MAST4: variants seen among roughly 807,000 people sequenced by gnomAD.
MAST4 encodes microtubule-associated serine/threonine-protein kinase 4.
A neutral mutation model predicts 162.7 loss-of-function variants in MAST4; 89 were observed. The ratio of observed to expected loss-of-function variants is 0.55; its 90% CI spans 0.46 to 0.65. The LOEUF (loss-of-function observed/expected upper bound fraction) is 0.65, where lower values mean the gene tolerates loss of function less well. Among genes scored for constraint, MAST4 ranks in the 30% least tolerant of loss-of-function variants. The pLI, the probability that MAST4 is intolerant of heterozygous loss-of-function variation, is 0.00. For missense variants in MAST4, 3,153 were observed against 3,374.0 expected, an observed-to-expected ratio of 0.93 and a Z score of 1.62; for synonymous variants, 1,479 against 1,361.1, an observed-to-expected ratio of 1.09 and a Z score of -1.91.
chr5:66,743,815 C>T (rs1025100101), intron 1 of MAST4, among the ~76,000 whole-genome samples: 3 of 152,136 alleles, frequency 2.0e-5, no homozygotes, highest in Admixed American at 2.0e-4. Flanking sequence ...GTGGATTATA[C>T]TTATAATTAT....
chr5:66,770,552 G>A (rs1368915115), intron 2 of MAST4, among the ~76,000 whole-genome samples: 1 of 152,214 alleles, frequency 6.6e-6, no homozygotes, highest in East Asian at 1.9e-4. Flanking sequence ...CCACCACCTT[G>A]TTCAGAGCCA....
At chr5:66,774,449 A>G (rs1024842169) in intron 2 of MAST4, among the ~76,000 whole-genome samples, 4 of 152,204 alleles carry the variant, frequency 2.6e-5, no homozygotes, top group Admixed American at 6.5e-5. Flanking sequence ...GTATAAACTG[A>G]TCATGAAGCA....
intron 4 of MAST4, among the ~76,000 whole-genome samples, chr5:67,038,905 T>A (rs1027993818): frequency 2.6e-5 from 4 of 152,192 alleles, no homozygotes; most frequent in African/African-American, 9.6e-5. Flanking sequence ...TCACTGAAGC[T>A]AGTATCTTAA....
At chr5:67,008,836 A>G (rs1581183656) in intron 4 of MAST4, among the ~76,000 whole-genome samples, 1 of 152,326 alleles carries the variant, frequency 6.6e-6, no homozygotes, top group East Asian at 1.9e-4. Flanking sequence ...CTTAAACTAA[A>G]TCCTGTAGTT....
intron 1 of MAST4, among the ~76,000 whole-genome samples, chr5:66,678,783 T>C (rs7724609): frequency 0.61 from 91,952 of 151,078 alleles, 28,290 homozygotes; most frequent in South Asian, 0.7. Flanking sequence ...TGAACCACCA[T>C]GCCCGGCCCC....
At chr5:66,918,234 A>G (rs1345275760) in intron 4 of MAST4, among the ~76,000 whole-genome samples, 1 of 152,136 alleles carries the variant, frequency 6.6e-6, no homozygotes, top group African/African-American at 2.4e-5. Flanking sequence ...GTAAGTTTTT[A>G]GTTTGCATGT....
At chr5:67,120,627 A>G (rs1581632171) in intron 13 of MAST4, among the ~76,000 whole-genome samples, 1 of 152,214 alleles carries the variant, frequency 6.6e-6, no homozygotes, top group South Asian at 2.1e-4. Context: ...ATGCTCTGTC[A>G]GGGATAGAGC....
At chr5:66,978,049 TATTG>T (rs1417231494) in intron 4 of MAST4, among the ~76,000 whole-genome samples, 1 of 152,240 alleles carries the variant, frequency 6.6e-6, no homozygotes, top group African/African-American at 2.4e-5. Context: ...TAAATTTTTA[TATTG>T]ATTGCTTATT....
At chr5:66,748,006 A>G (rs983338235) in intron 1 of MAST4, among the ~76,000 whole-genome samples, 1 of 152,216 alleles carries the variant, frequency 6.6e-6, no homozygotes, top group Non-Finnish European at 1.5e-5. Context: ...TCAGTTGGAC[A>G]TAGGACATGC....
intron 4 of MAST4, among the ~76,000 whole-genome samples, chr5:67,043,187 T>A (rs1756976127): frequency 6.6e-6 from 1 of 152,240 alleles, no homozygotes; most frequent in African/African-American, 2.4e-5. Context: ...ATTAGCTATG[T>A]AGCTAAATTA....
At chr5:66,998,626 G>A (rs1261567019) in intron 4 of MAST4, among the ~76,000 whole-genome samples, 2 of 152,138 alleles carry the variant, frequency 1.3e-5, no homozygotes, top group African/African-American at 4.8e-5. Context: ...TTTCTAACCT[G>A]TAGCAAATCC....
intron 3 of MAST4, among the ~76,000 whole-genome samples, chr5:66,821,596 A>G (rs1190536620): frequency 1.3e-5 from 2 of 152,238 alleles, no homozygotes; most frequent in African/African-American, 4.8e-5. Context: ...GTATTGTAAT[A>G]TTATGGCATT....
chr5:67,124,453 A>G (rs1411698028), intron 14 of MAST4, among the ~76,000 whole-genome samples: 1 of 152,198 alleles, frequency 6.6e-6, no homozygotes, highest in African/African-American at 2.4e-5. Flanking sequence ...CTTTAAGCAC[A>G]TTTGGAACAT....
chr5:67,008,614 T>C (rs185814025), intron 4 of MAST4, among the ~76,000 whole-genome samples: 13 of 152,360 alleles, frequency 8.5e-5, no homozygotes, highest in Admixed American at 3.3e-4. Flanking sequence ...TGCTTAATGA[T>C]AATCTTTCAA....
At chr5:67,095,261 G>A (rs1424888599) in intron 6 of MAST4, among the ~76,000 whole-genome samples, 4 of 152,174 alleles carry the variant, frequency 2.6e-5, no homozygotes, top group African/African-American at 9.7e-5. Flanking sequence ...CCAGATGAGA[G>A]TGTTTTCCTC....
At chr5:67,118,586 A>T in intron 12 of MAST4, 96 bp from the exon 13 acceptor site, 1 of 752,536 alleles carries the variant, frequency 1.3e-6, no homozygotes. Context: ...CAATTTTTTT[A>T]ATATGGGAGA....
chr5:67,094,966 C>T (rs1448895832), intron 6 of MAST4, among the ~76,000 whole-genome samples: 1 of 152,192 alleles, frequency 6.6e-6, no homozygotes, highest in Non-Finnish European at 1.5e-5. Flanking sequence ...AAAGACTCTG[C>T]AGGAGGCTTT....
chr5:66,849,063 T>C (rs1272274458), intron 3 of MAST4, among the ~76,000 whole-genome samples: 1 of 152,134 alleles, frequency 6.6e-6, no homozygotes, highest in African/African-American at 2.4e-5. Flanking sequence ...ACTCTCAATA[T>C]CCCCATTATG....
At chr5:66,810,432 G>A (rs886651084) in intron 3 of MAST4, among the ~76,000 whole-genome samples, 2 of 152,186 alleles carry the variant, frequency 1.3e-5, no homozygotes, top group African/African-American at 4.8e-5. Flanking sequence ...TGGGATATGG[G>A]AGAAGGAGTG....
Sources: allele counts gnomAD v4.1 joint callset (sites outside exome capture counted in the v4.1 genomes callset), GRCh38; gene constraint gnomAD v4.1.1; transcripts MANE v1.5; gene names NCBI Gene and HGNC (gene_info 2026-07-23, HGNC 2026-07-21).